NRAP: variants seen among roughly 807,000 people sequenced by gnomAD.
NRAP encodes nebulin-related-anchoring protein.
Under a neutral mutation model 225.9 loss-of-function variants are expected in NRAP, and 189 were observed. The observed-to-expected ratio is 0.84, with a 90% CI of 0.74 to 0.94. The LOEUF is 0.94. Among genes scored for constraint, NRAP ranks in the 40% least tolerant of loss-of-function variants. The pLI is 0.00. For synonymous variants in NRAP, 769 were observed against 790.7 expected (o/e 0.97, Z 0.46); for missense variants, 2,176 against 2,168.7 (o/e 1.00, Z -0.07).
rs768930806 is a variant in NRAP at position 113,631,858 on chromosome 10, T to C, written c.1739A>G (p.Asn580Ser). 32 of 1,596,654 alleles carry C rather than the reference T, an allele frequency of 2.0e-5. No individual in the cohort carries two copies. Among genetic ancestry groups the C allele is most frequent in the Non-Finnish European group, 2.6e-5 (30 of 1,164,112 alleles). ...CTGAGTTAATGAGAGGAAACGTACA[T>C]TGCTAGCAAGCTCCCCAGAGGCTTT... ...AAKASGELAS[N>S]IKYKEEYEKT... Residue 580 changes from asparagine to serine, a missense_variant and splice_region_variant, in exon 17 of 42, where the codon AAT becomes AGT. Physicochemically the swap from Asn to Ser is conservative, Grantham distance 46 (BLOSUM62 1). Coordinates refer to ENST00000359988, the MANE Select transcript of NRAP (RefSeq NM_198060.4).
At chr10:113,626,979 C>T (rs950270510) in intron 20 of NRAP, among the ~76,000 whole-genome samples, 5 of 152,152 alleles carry the variant, frequency 3.3e-5, no homozygotes, top group African/African-American at 7.2e-5. Flanking sequence ...CTGAAAACGG[C>T]GTGTGGAAGC....
At chr10:113,634,057 T>C in intron 15 of NRAP, 55 bp downstream of exon 15, 1 of 1,205,816 alleles carries the variant, frequency 8.3e-7, no homozygotes, top group South Asian at 1.2e-5. Flanking sequence ...TCCAGAGGCC[T>C]CAAAGCAGCA....
intron 14 of NRAP, among the ~76,000 whole-genome samples, chr10:113,636,406 C>T (rs1395011487): frequency 6.6e-6 from 1 of 152,182 alleles, no homozygotes; most frequent in African/African-American, 2.4e-5. Context: ...CTATGGCCAC[C>T]TCCCTGAGAT....
At chr10:113,625,939 G>A (rs967723688) in intron 21 of NRAP, 108 bp downstream of exon 21, 6 of 676,298 alleles carry the variant, frequency 8.9e-6, no homozygotes, top group Non-Finnish European at 1.2e-5. Context: ...TAGAGGGAAG[G>A]CTCTTTGGTT....
chr10:113,634,826 T>C (rs1358590537), intron 14 of NRAP, among the ~76,000 whole-genome samples: 9 of 152,022 alleles, frequency 5.9e-5, no homozygotes, highest in East Asian at 5.8e-4. Context: ...AAAAGTAAAA[T>C]GAAAGAGAAA....
chr10:113,663,990 G>T lies in NRAP; in HGVS notation c.-108C>A. The stretch of plus-strand genomic sequence containing the variant: ...AATCCGACGACCATAAAATTCCTGT[G>T]GGCACCTCGATCTTTCAGAATCCAA... On this transcript the variant is annotated 5_prime_UTR_variant, in exon 1 of 42. Coordinates refer to ENST00000359988, the MANE Select transcript of NRAP (RefSeq NM_198060.4). 1 of 785,532 alleles carries T rather than the reference G, an allele frequency of 1.3e-6. No homozygotes were observed. The highest frequency in any genetic ancestry group is 1.5e-5 in the South Asian group (1 of 67,168). The allele number at this position is 785,532 out of a possible 1,614,324, so 48.7% of individuals were successfully genotyped here. A position where few individuals can be genotyped will look rare whatever the true frequency, so the allele number is the denominator to read the frequency against.
intron 8 of NRAP, 88 bp downstream of exon 8, chr10:113,650,350 G>T: frequency 1.0e-6 from 1 of 1,004,776 alleles, no homozygotes; most frequent in Non-Finnish European, 1.6e-6. Context: ...CAGGGTAAAT[G>T]CAAAAGTCAA....
At position 113,590,792 on chromosome 10, in the gene NRAP, C is replaced by A. The variant is rs753222828; in HGVS notation, c.4742G>T (p.Gly1581Val). ...DPRMKHFLNV[G>V]RLQSDNEYKK... Reference sequence around the variant, plus strand: ...GTACTCATTGTCACTCTGGAGCCTGCCAACGTTGAGGAAATGCTTCATCCT... The same window carrying A: ...GTACTCATTGTCACTCTGGAGCCTGACAACGTTGAGGAAATGCTTCATCCT... The change falls in exon 40 of 42, where the codon GGC (glycine) becomes GTC (valine). Residue 1581 changes from glycine to valine, a missense_variant. Gly to Val is a moderately radical substitution (Grantham distance 109). This residue lies in a region of NRAP where 445 missense variants were observed against 426.1 expected (regional missense o/e 1.04). Transcript: ENST00000359988. The A allele has an allele frequency of 1.1e-5, 18 of 1,614,196 alleles. 1 individual carries two copies. In the South Asian group the frequency reaches 2.0e-4, roughly 18 times the overall value.
At chr10:113,645,447 C>G (rs1397234482) in intron 11 of NRAP, among the ~76,000 whole-genome samples, 1 of 152,090 alleles carries the variant, frequency 6.6e-6, no homozygotes, top group Non-Finnish European at 1.5e-5. Context: ...GATGGAGTTT[C>G]GCTTTTGTTG....
intron 3 of NRAP, among the ~76,000 whole-genome samples, chr10:113,660,614 T>C (rs1201557034): frequency 6.6e-6 from 1 of 152,192 alleles, no homozygotes; most frequent in African/African-American, 2.4e-5. Context: ...GGTGGAGACA[T>C]GCCTGCTGTG....
chr10:113,660,898 C>T lies in NRAP; in HGVS notation c.255+1781G>A, dbSNP rs142743616. On this transcript the variant is annotated intron_variant, in intron 3 of 41. Transcript: ENST00000359988. ...ATTTGTGCCCAACCAGCTGGGTAAA[C>T]TAGGCAGGTTACTTAACCTCTCTGA... Among the ~76,000 whole-genome samples, 1,083 of 152,224 alleles carry T rather than the reference C, an allele frequency of 7.1e-3. 13 individuals are homozygous for T. The highest frequency in any genetic ancestry group is 0.025 in the African/African-American group (1,038 of 41,514).
At chr10:113,617,101 G>C (rs1218710687) in intron 26 of NRAP, among the ~76,000 whole-genome samples, 1 of 152,104 alleles carries the variant, frequency 6.6e-6, no homozygotes, top group African/African-American at 2.4e-5. Context: ...ACAGCGTCAG[G>C]ATTCCAATTA....
intron 14 of NRAP, among the ~76,000 whole-genome samples, chr10:113,637,511 G>A (rs1351326202): frequency 6.6e-6 from 1 of 152,168 alleles, no homozygotes; most frequent in Non-Finnish European, 1.5e-5. Flanking sequence ...GTTTAGACAG[G>A]GAAATGCATT....
chr10:113,595,931 G>T (rs1402843013), intron 37 of NRAP, among the ~76,000 whole-genome samples: 5 of 152,144 alleles, frequency 3.3e-5, no homozygotes, highest in African/African-American at 1.2e-4. Context: ...TGGGGCAGCT[G>T]GTTTTAAATA....
rs147712486 is a variant in NRAP, at chr10:113,590,680, C to T, written c.4854G>A (p.Leu1618=). Residue 1618 remains leucine (L), a synonymous_variant, in exon 40 of 42, where the codon CTG becomes CTA. Coordinates refer to ENST00000359988, the MANE Select transcript of NRAP (RefSeq NM_198060.4). ...GCTGCCTGTAGTGCACATCACTGGCCAGCTGCTGGCTCCTCTTGGCCTGAA... is the reference window on the plus strand; with the variant it reads ...GCTGCCTGTAGTGCACATCACTGGCTAGCTGCTGGCTCCTCTTGGCCTGAA... ...GLLQAKRSQQ[L]ASDVHYRQPL... The T allele has an allele frequency of 9.9e-6, 16 of 1,614,192 alleles. No individual in the cohort carries two copies. The highest frequency in any genetic ancestry group is 1.4e-5 in the Non-Finnish European group (16 of 1,180,028).
At chr10:113,622,246 C>G (rs563006842) in intron 23 of NRAP, 66 bp from the exon 24 acceptor site, 30 of 1,070,454 alleles carry the variant, frequency 2.8e-5, no homozygotes, top group Non-Finnish European at 4.2e-5. Flanking sequence ...GCTTCAGACT[C>G]CATGCATGGG....
In NRAP at chr10:113,604,849, G is replaced by T; in HGVS notation, c.3987C>A (p.Pro1329=). The change falls in exon 35 of 42, where the codon CCC becomes CCA. Residue 1329 remains proline (P), a synonymous_variant. Transcript: ENST00000359988. ...CCATGCGCCGGCAGTGCTGGATCCGGGGGTCGTCTCTTACACTCTGGGGCC... is the reference window on the plus strand; with the variant it reads ...CCATGCGCCGGCAGTGCTGGATCCGTGGGTCGTCTCTTACACTCTGGGGCC... ...LIGPQSVRDD[P]RIQHCRRMGQ... is the part of the protein sequence containing the mutation. The T allele has an allele frequency of 6.2e-7, 1 of 1,614,196 alleles. No homozygotes were observed.
chr10:113,622,029 T>C lies in NRAP; in HGVS notation c.2609A>G (p.Gln870Arg), dbSNP rs750796408. ...YKKGFEDTKS[Q>R]CHVSLDMVHL... is the part of the protein sequence containing the mutation. ...GACCATGTCCAGGGAGACGTGGCATTGGGATTTGGTGTCCTCGAATCCCTT... is the reference window on the plus strand; with the variant it reads ...GACCATGTCCAGGGAGACGTGGCATCGGGATTTGGTGTCCTCGAATCCCTT... The change falls in exon 24 of 42, where the codon CAA becomes CGA. Residue 870 changes from glutamine to arginine, a missense_variant. Physicochemically the swap from Gln to Arg is conservative, Grantham distance 43. Around this residue, in one of 3 missense-constraint regions of NRAP, gnomAD observed 1,708 missense variants for 1,695.5 expected, o/e 1.01. Coordinates refer to ENST00000359988, the MANE Select transcript of NRAP (RefSeq NM_198060.4). 1 of 1,614,224 alleles carries C rather than the reference T, an allele frequency of 6.2e-7. No individual in the cohort carries two copies. The highest frequency in any genetic ancestry group is 1.1e-5 in the South Asian group (1 of 91,086).
intron 38 of NRAP, among the ~76,000 whole-genome samples, chr10:113,593,419 G>A (rs149483546): frequency 8.5e-5 from 13 of 152,260 alleles, no homozygotes; most frequent in Non-Finnish European, 1.8e-4. Flanking sequence ...GGCCAAGCAT[G>A]GCGGATCTCA....
Sources: gnomAD v4.1 joint callset for allele counts (sites outside exome capture counted in the v4.1 genomes callset) on GRCh38, gnomAD v4.1.1 for gene constraint, gnomAD v4.1.1 regional missense constraint, MANE v1.5 for transcripts, NCBI Gene and HGNC (gene_info 2026-07-23, HGNC 2026-07-21) for gene names.